THSD4: variants seen among roughly 807,000 people sequenced by gnomAD.
THSD4 encodes thrombospondin type 1 domain containing 4.
In THSD4, 69 loss-of-function variants were observed where a neutral mutation model predicts 119.0. The observed-to-expected ratio is 0.58, with a 90% CI of 0.48 to 0.71. The LOEUF (loss-of-function observed/expected upper bound fraction) is 0.71, where lower values mean the gene tolerates loss of function less well. Ranked by LOEUF, THSD4 falls within the 30% of genes least tolerant of loss-of-function variation. THSD4 has a pLI of 0.00. For missense variants in THSD4, 1,393 were observed against 1,391.1 expected, an observed-to-expected ratio of 1.00 and a Z score of -0.02; for synonymous variants, 524 against 540.4, an observed-to-expected ratio of 0.97 and a Z score of 0.42.
intron 7 of THSD4, among the ~76,000 whole-genome samples, chr15:71,511,848 C>G (rs2048288735): frequency 6.6e-6 from 1 of 152,120 alleles, no homozygotes; most frequent in South Asian, 2.1e-4. Flanking sequence ...ATAAGAAAAG[C>G]TTGGTATTTA....
At chr15:71,659,627 G>A (rs1035100988) in intron 7 of THSD4, among the ~76,000 whole-genome samples, 1 of 152,082 alleles carries the variant, frequency 6.6e-6, no homozygotes, top group Non-Finnish European at 1.5e-5. Context: ...GCCCAGGCTG[G>A]TCTCAAAGTC....
At chr15:71,608,249 T>TATATATATATAC (rs772729777) in intron 7 of THSD4, among the ~76,000 whole-genome samples, 14 of 106,236 alleles carry the variant, frequency 1.3e-4, no homozygotes, top group East Asian at 5.2e-4. Context: ...TATATATATA[T>TATATATATATAC]ACACACACAC....
intron 6 of THSD4, among the ~76,000 whole-genome samples, chr15:71,346,578 G>A (rs570720879): frequency 6.6e-6 from 1 of 152,248 alleles, no homozygotes; most frequent in South Asian, 2.1e-4. Context: ...TTTCAAGCTT[G>A]TATTTTACCA....
intron 6 of THSD4, among the ~76,000 whole-genome samples, chr15:71,362,087 G>C (rs1419078428): frequency 6.6e-6 from 1 of 152,126 alleles, no homozygotes; most frequent in East Asian, 1.9e-4. Context: ...GACCAGCCTG[G>C]CCAACATGGC....
chr15:71,659,089 G>A (rs1012747361), intron 7 of THSD4, among the ~76,000 whole-genome samples: 7 of 152,188 alleles, frequency 4.6e-5, no homozygotes, highest in African/African-American at 1.7e-4. Context: ...TAGAGATGTG[G>A]TCTGATTATT....
chr15:71,303,656 T>C (rs1256711117), intron 6 of THSD4, among the ~76,000 whole-genome samples: 1 of 152,180 alleles, frequency 6.6e-6, no homozygotes, highest in African/African-American at 2.4e-5. Context: ...ACAGAAGTCT[T>C]GCATTCAGTG....
At chr15:71,672,205 C>T (rs547363756) in intron 8 of THSD4, among the ~76,000 whole-genome samples, 52 of 152,094 alleles carry the variant, frequency 3.4e-4, no homozygotes, top group Non-Finnish European at 6.3e-4. Flanking sequence ...CCTTCACATC[C>T]CTTGTAAGTT....
upstream of THSD4, among the ~76,000 whole-genome samples, chr15:71,114,608 C>A (rs1332705793): frequency 1.3e-5 from 2 of 152,148 alleles, no homozygotes; most frequent in Non-Finnish European, 2.9e-5. Flanking sequence ...AGAAACGGGG[C>A]CCTAGCAATT....
intron 7 of THSD4, among the ~76,000 whole-genome samples, chr15:71,650,549 C>T (rs2051062933): frequency 6.6e-6 from 1 of 152,146 alleles, no homozygotes; most frequent in Non-Finnish European, 1.5e-5. Context: ...AGATGAATAA[C>T]TCCTCCCTTC....
At chr15:71,703,766 G>T (rs1241728495) in intron 8 of THSD4, among the ~76,000 whole-genome samples, 1 of 152,150 alleles carries the variant, frequency 6.6e-6, no homozygotes. Context: ...TGTATTCTGC[G>T]CCTGTCTCTG....
chr15:71,447,551 A>G (rs1225807290), intron 7 of THSD4, among the ~76,000 whole-genome samples: 1 of 152,182 alleles, frequency 6.6e-6, no homozygotes, highest in Admixed American at 6.5e-5. Flanking sequence ...CAGCTATAGA[A>G]TTTATCCTAC....
chr15:71,359,535 T>G (rs541547203), intron 6 of THSD4, among the ~76,000 whole-genome samples: 1 of 152,210 alleles, frequency 6.6e-6, no homozygotes, highest in South Asian at 2.1e-4. Flanking sequence ...TGGCTGGGTG[T>G]GGTGGCTCAC....
chr15:71,275,737 C>A (rs1056157394), intron 6 of THSD4, among the ~76,000 whole-genome samples: 1 of 152,022 alleles, frequency 6.6e-6, no homozygotes, highest in African/African-American at 2.4e-5. Context: ...GGCAGTTACC[C>A]CTTGCTGCTG....
chr15:71,690,927 C>T (rs1043540806), intron 8 of THSD4, among the ~76,000 whole-genome samples: 1 of 152,132 alleles, frequency 6.6e-6, no homozygotes, highest in African/African-American at 2.4e-5. Flanking sequence ...CAAACCATAT[C>T]ACATGGCAAA....
In THSD4 at chr15:71,151,310, A is replaced by C. The variant is rs147606254; in HGVS notation, c.30-3553A>C. ...GTGATTATCCAAAACTGCTCCTTAC[A>C]AATATGTGGCTACTGTGTGTGCCAA... is the stretch of plus-strand genomic sequence containing the variant. On this transcript the variant is annotated intron_variant, in intron 2 of 17. Transcript: ENST00000261862. Among the ~76,000 whole-genome samples, 44 of 152,204 alleles carry C rather than the reference A, an allele frequency of 2.9e-4. No homozygotes were observed. The East Asian group carries it at 6.9e-3, about 24-fold the overall frequency.
chr15:71,163,375 A>G (rs1450301763), intron 3 of THSD4, among the ~76,000 whole-genome samples: 1 of 152,088 alleles, frequency 6.6e-6, no homozygotes, highest in East Asian at 1.9e-4. Flanking sequence ...TCAAAATTAT[A>G]TAACAAAACA....
intron 6 of THSD4, among the ~76,000 whole-genome samples, chr15:71,336,000 G>GA (rs1229244602): frequency 2.6e-5 from 4 of 151,964 alleles, no homozygotes; most frequent in African/African-American, 4.8e-5. Flanking sequence ...CACAGTCAAT[G>GA]AAAAAAAGAA....
At chr15:71,601,030 A>G (rs2140892249) in intron 7 of THSD4, among the ~76,000 whole-genome samples, 1 of 152,312 alleles carries the variant, frequency 6.6e-6, no homozygotes, top group Admixed American at 6.5e-5. Context: ...TACAGGCATG[A>G]GCCACTGTAC....
At chr15:71,315,147 A>G (rs1325711608) in intron 6 of THSD4, among the ~76,000 whole-genome samples, 1 of 152,150 alleles carries the variant, frequency 6.6e-6, no homozygotes, top group Non-Finnish European at 1.5e-5. Context: ...TTGGCATCCT[A>G]GAGGTGCCCT....
Sources: allele counts gnomAD v4.1 joint callset (sites outside exome capture counted in the v4.1 genomes callset), GRCh38; gene constraint gnomAD v4.1.1; transcripts MANE v1.5; gene names NCBI Gene and HGNC (gene_info 2026-07-23, HGNC 2026-07-21).